Variants in TMPRSS2 observed in about 807,000 individuals in gnomAD.
TMPRSS2 encodes the protein transmembrane protease serine 2.
In TMPRSS2, 59 loss-of-function variants were observed where a neutral mutation model predicts 67.4. The ratio of observed to expected loss-of-function variants is 0.88; its 90% confidence interval spans 0.71 to 1.09. The LOEUF (loss-of-function observed/expected upper bound fraction) is 1.09, where lower values mean the gene tolerates loss of function less well. Among genes scored for constraint, TMPRSS2 ranks in the 50% least tolerant of loss-of-function variants. The probability of loss-of-function intolerance (pLI) is 0.00; values close to 1 mark genes in which losing one functional copy is unlikely to be tolerated. For missense variants in TMPRSS2, 668 were observed against 642.7 expected, an observed-to-expected ratio of 1.04 and a Z score of -0.43; for synonymous variants, 257 against 257.0, an observed-to-expected ratio of 1.00 and a Z score of 0.00.
At chr21:41,468,027 C>T in intron 12 of TMPRSS2, 141 bp from the exon 13 acceptor site, 1 of 846,898 alleles carries the variant, frequency 1.2e-6, no homozygotes, top group Non-Finnish European at 1.9e-6. Context: ...TCTCCACCAT[C>T]AAGGGGTGAT....
At chr21:41,473,809 C>G (rs979779394) in intron 8 of TMPRSS2, among the ~76,000 whole-genome samples, 2 of 149,656 alleles carry the variant, frequency 1.3e-5, no homozygotes, top group Non-Finnish European at 3.0e-5. Flanking sequence ...ACTGACACCA[C>G]TCAGGGACCC....
chr21:41,500,109 C>T (rs1297162008), intron 1 of TMPRSS2, among the ~76,000 whole-genome samples: 1 of 152,184 alleles, frequency 6.6e-6, no homozygotes, highest in Non-Finnish European at 1.5e-5. Context: ...ACCTCTGAGA[C>T]TAGACTCTAG....
At position 41,483,536 on chromosome 21, in the gene TMPRSS2, G is replaced by GA. The variant is rs2091272958; in HGVS notation, c.446-2935_446-2934insT. ...ACCTCAGGCGATCCCCACCCCCTCC[G>GA]CCCCCCACCTCGGCCTCCCAAAGTG... On this transcript the variant is annotated intron_variant, in intron 5 of 13. Coordinates refer to ENST00000332149, the MANE Select transcript of TMPRSS2 (RefSeq NM_005656.4). Among the ~76,000 whole-genome samples the GA allele has an allele frequency of 4.2e-5, 5 of 117,842 alleles. No individual in the cohort carries two copies. The South Asian group carries it at 1.5e-3, about 35-fold the overall frequency. The allele number at this position is 117,842 out of a possible 152,430, so 77.3% of individuals were successfully genotyped here.
intron 7 of TMPRSS2, among the ~76,000 whole-genome samples, chr21:41,477,835 TCAAAGGG>T (rs2146447147): frequency 6.6e-6 from 1 of 152,098 alleles, no homozygotes; most frequent in Admixed American, 6.5e-5. Context: ...AACTCAGGCA[TCAAAGGG>T]CAACTGCTGC....
rs2091150586 is a variant in TMPRSS2 at position 41,473,259 on chromosome 21, C to G, written c.899+66G>C. 7 of 1,491,118 alleles carry G rather than the reference C, an allele frequency of 4.7e-6. No individual in the cohort carries two copies. In the Admixed American group the frequency reaches 1.5e-4, roughly 31 times the overall value. The allele number at this position is 1,491,118 out of a possible 1,614,324, so 92.4% of individuals were successfully genotyped here. A position where few individuals can be genotyped will look rare whatever the true frequency, so the allele number is the denominator to read the frequency against. On this transcript the variant is annotated intron_variant, in intron 9 of 13. Coordinates refer to ENST00000332149, the MANE Select transcript of TMPRSS2 (RefSeq NM_005656.4). The stretch of plus-strand genomic sequence containing the variant: ...GGGGCTGCAAGGGTTGAGACCTGCT[C>G]AAGGTCACAGGGTGGCTGTAGGCCA...
At chr21:41,467,616 G>C (rs958911995) in intron 13 of TMPRSS2, 118 bp downstream of exon 13, 46 of 1,223,406 alleles carry the variant, frequency 3.8e-5, no homozygotes, top group Non-Finnish European at 5.0e-5. Flanking sequence ...AGCAGAGTTT[G>C]CTTCATGCTG....
intron 10 of TMPRSS2, among the ~76,000 whole-genome samples, chr21:41,471,498 C>T (rs922798569): frequency 7.1e-6 from 1 of 140,872 alleles, no homozygotes; most frequent in African/African-American, 2.5e-5. Flanking sequence ...ACAAGAGAGC[C>T]CTACAACAGA....
intron 1 of TMPRSS2, 49 bp downstream of exon 1, chr21:41,508,032 C>G: frequency 7.6e-7 from 1 of 1,314,338 alleles, no homozygotes. Context: ...CCAGGTTCCC[C>G]TCCCCAGCCC....
chr21:41,495,681 G>T (rs556937466), intron 2 of TMPRSS2, among the ~76,000 whole-genome samples: 1 of 151,620 alleles, frequency 6.6e-6, no homozygotes, highest in East Asian at 1.9e-4. Flanking sequence ...CATGAAAAAT[G>T]GGTCCTTCAA....
At chr21:41,495,067 CAAAAAA>C (rs3037875) in intron 2 of TMPRSS2, among the ~76,000 whole-genome samples, 1 of 136,886 alleles carries the variant, frequency 7.3e-6, no homozygotes, top group African/African-American at 2.7e-5. Flanking sequence ...GACTATGTCT[CAAAAAA>C]AAAAAAAAAA....
At chr21:41,477,086 G>A (rs1291192292) in intron 7 of TMPRSS2, among the ~76,000 whole-genome samples, 1 of 152,208 alleles carries the variant, frequency 6.6e-6, no homozygotes, top group Admixed American at 6.5e-5. Context: ...TCATTTGGGA[G>A]TCAAACATCC....
intron 1 of TMPRSS2, among the ~76,000 whole-genome samples, chr21:41,503,279 G>A (rs1336414690): frequency 6.6e-6 from 1 of 152,238 alleles, no homozygotes; most frequent in Non-Finnish European, 1.5e-5. Context: ...AACCTGGCAT[G>A]ACAGGCAGGC....
intron 3 of TMPRSS2, among the ~76,000 whole-genome samples, chr21:41,492,417 G>A (rs1322513712): frequency 3.9e-5 from 6 of 152,218 alleles, no homozygotes; most frequent in South Asian, 2.1e-4. Flanking sequence ...AACCTTCTAC[G>A]GCTGTTGCTA....
chr21:41,471,697 C>T (rs1015613248), intron 10 of TMPRSS2, 109 bp downstream of exon 10: 27 of 1,310,786 alleles, frequency 2.1e-5, no homozygotes, highest in South Asian at 2.9e-5. Flanking sequence ...ACGCTACCCT[C>T]GCTCAACGCA....
At chr21:41,495,626 CAA>C (rs11336247) in intron 2 of TMPRSS2, among the ~76,000 whole-genome samples, 165 of 128,322 alleles carry the variant, frequency 1.3e-3, no homozygotes, top group Middle Eastern at 7.8e-3. Flanking sequence ...ACTCCCGTCT[CAA>C]AAAAAAAAAA....
intron 1 of TMPRSS2, among the ~76,000 whole-genome samples, chr21:41,507,426 C>A (rs912185022): frequency 1.3e-5 from 2 of 152,182 alleles, no homozygotes; most frequent in African/African-American, 4.8e-5. Flanking sequence ...GTCGCCGCAA[C>A]GGGGCCTGAG....
intron 1 of TMPRSS2, among the ~76,000 whole-genome samples, chr21:41,505,385 C>T (rs1036305368): frequency 1.3e-5 from 2 of 152,216 alleles, no homozygotes; most frequent in African/African-American, 2.4e-5. Flanking sequence ...ATCAGCCAGA[C>T]TTTTGGTTTA....
In TMPRSS2 at chr21:41,480,259, A is replaced by G. The variant is rs143109187; in HGVS notation, c.572+217T>C. Among the ~76,000 whole-genome samples, 37 of 152,338 alleles carry G rather than the reference A, an allele frequency of 2.4e-4. No individual in the cohort carries two copies. In the East Asian group the frequency reaches 7.2e-3, roughly 29 times the overall value. On this transcript the variant is annotated intron_variant, in intron 6 of 13. Transcript: ENST00000332149. ...AACCAGGAGTCTATAGAGGCCAAGG[A>G]GGAGGCAGGGCAAGGTGGCAGTGAG...
At chr21:41,482,794 G>A (rs2091266337) in intron 5 of TMPRSS2, among the ~76,000 whole-genome samples, 2 of 152,320 alleles carry the variant, frequency 1.3e-5, no homozygotes, top group South Asian at 4.1e-4. Context: ...AAGGCATGGA[G>A]GAAACTTGAA....
Sources: allele counts gnomAD v4.1 joint callset (sites outside exome capture counted in the v4.1 genomes callset), GRCh38; gene constraint gnomAD v4.1.1; transcripts MANE v1.5; gene names NCBI Gene and HGNC (gene_info 2026-07-23, HGNC 2026-07-21).